Variants in ANKRD6 observed in about 807,000 individuals in gnomAD.
ANKRD6 encodes ankyrin repeat domain-containing protein 6.
Under a neutral mutation model 82.3 loss-of-function variants are expected in ANKRD6, and 56 were observed. The observed-to-expected ratio is 0.68, with a 90% confidence interval of 0.55 to 0.85. ANKRD6 has a LOEUF of 0.85. ANKRD6 is among the 40% of genes least tolerant of loss of function. ANKRD6 has a pLI of 0.00. For synonymous variants in ANKRD6, 347 were observed against 352.1 expected (o/e 0.99, Z 0.16); for missense variants, 852 against 907.6 (o/e 0.94, Z 0.79).
intron 1 of ANKRD6, chr6:89,562,982 TCCTGGGTG>T (rs1196458195): frequency 1.3e-5 from 2 of 152,178 alleles, no homozygotes; most frequent in Non-Finnish European, 2.9e-5. Context: ...AGCCACCAGT[TCCTGGGTG>T]CCTGTGGGCC....
intron 1 of ANKRD6, chr6:89,478,368 A>G (rs1776334909): frequency 6.6e-6 from 1 of 152,230 alleles, no homozygotes; most frequent in East Asian, 1.9e-4. Context: ...GCTGATCAGT[A>G]GTGGGATAGC....
At chr6:89,572,757 C>T (rs770729291) in intron 2 of ANKRD6, among the ~76,000 whole-genome samples, 5 of 152,224 alleles carry the variant, frequency 3.3e-5, no homozygotes, top group Admixed American at 1.3e-4. Flanking sequence ...TTCCCAGGAC[C>T]ATTTGTTGAG....
chr6:89,549,692 G>C (rs1398581463), intron 1 of ANKRD6, among the ~76,000 whole-genome samples: 1 of 152,044 alleles, frequency 6.6e-6, no homozygotes, highest in Non-Finnish European at 1.5e-5. Context: ...ACTTTTTGAA[G>C]TCATAGACTG....
At chr6:89,543,893 C>T (rs1195272460) in intron 1 of ANKRD6, among the ~76,000 whole-genome samples, 1 of 152,180 alleles carries the variant, frequency 6.6e-6, no homozygotes, top group East Asian at 1.9e-4. Flanking sequence ...CATTTACATC[C>T]ATCCTTGCCT....
Position 89,608,449 on chromosome 6 carries a change from T to G in ANKRD6, c.417+2344T>G, listed in dbSNP as rs186207759. Among the ~76,000 whole-genome samples, 4 of 150,950 alleles carry G rather than the reference T, an allele frequency of 2.6e-5. No homozygotes were observed. The East Asian group carries it at 7.8e-4, about 29-fold the overall frequency. ...ATCTCTAGCTTATGACACACAGACA[T>G]CTGCATACAAGATCTTCAACAGCAA... On this transcript the variant is annotated intron_variant, in intron 5 of 15. Coordinates refer to ENST00000339746, the MANE Select transcript of ANKRD6 (RefSeq NM_001242809.2).
In ANKRD6 at chr6:89,480,974, C is replaced by T. The variant is rs555157353; in HGVS notation, c.-144+47599C>T. Among the ~76,000 whole-genome samples the T allele has an allele frequency of 3.6e-5, 5 of 140,698 alleles. No individual in the cohort carries two copies. The East Asian group carries it at 1.0e-3, about 28-fold the overall frequency. The allele number at this position is 140,698 out of a possible 152,430, so 92.3% of individuals were successfully genotyped here. ...AAAAAAATAGAAGAAGAAGAAGAAG[C>T]AAAGTTATATGTATTTTAAATATTA... On this transcript the variant is annotated intron_variant, in intron 1 of 15. Coordinates refer to ENST00000339746, the MANE Select transcript of ANKRD6 (RefSeq NM_001242809.2).
intron 1 of ANKRD6, among the ~76,000 whole-genome samples, chr6:89,458,486 G>T (rs1001230349): frequency 1.3e-5 from 2 of 152,312 alleles, no homozygotes; most frequent in East Asian, 3.9e-4. Flanking sequence ...GCAGCCTTCA[G>T]TCTGTGGCCA....
chr6:89,456,357 A>T (rs369439199), intron 1 of ANKRD6, among the ~76,000 whole-genome samples: 16 of 152,320 alleles, frequency 1.1e-4, no homozygotes, highest in East Asian at 9.7e-4. Context: ...ACTGGGTGAC[A>T]TAAACAATAG....
chr6:89,624,951 A>G (rs1172620126), intron 13 of ANKRD6, among the ~76,000 whole-genome samples: 2 of 152,230 alleles, frequency 1.3e-5, no homozygotes, highest in African/African-American at 4.8e-5. Flanking sequence ...AGGAAAATAA[A>G]TCACCTATAA....
rs1563097323 is a variant in ANKRD6 at position 89,618,004 on chromosome 6, T to G, written c.765T>G (p.Val255=). 6.2e-7 allele frequency: 1 copy of G among 1,614,072 alleles called. No homozygotes were observed. Among genetic ancestry groups the G allele is most frequent in the Middle Eastern group, 1.6e-4 (1 of 6,062 alleles). Reference sequence around the variant, plus strand: ...CCCGCTACCACAATAACCCGGAAGTTGCTCTTCTCCTTACTAAAGCTCCCC... The same window carrying G: ...CCCGCTACCACAATAACCCGGAAGTGGCTCTTCTCCTTACTAAAGCTCCCC... ...ETARYHNNPE[V]ALLLTKAPQV... Residue 255 remains valine, a synonymous_variant, in exon 9 of 16, where the codon GTT becomes GTG. Transcript: ENST00000339746.
At chr6:89,588,930 C>A (rs1583518497) in intron 2 of ANKRD6, among the ~76,000 whole-genome samples, 2 of 141,292 alleles carry the variant, frequency 1.4e-5, no homozygotes, top group South Asian at 2.3e-4. Context: ...GAGGCAGAGG[C>A]TGCAGTGAGC....
intron 1 of ANKRD6, among the ~76,000 whole-genome samples, chr6:89,481,082 A>G (rs889881555): frequency 5.3e-5 from 8 of 152,168 alleles, no homozygotes; most frequent in Non-Finnish European, 1.2e-4. Flanking sequence ...AGTTTAGGAC[A>G]TATTTCTCTA....
At chr6:89,492,593 T>C (rs1778142796) in intron 1 of ANKRD6, among the ~76,000 whole-genome samples, 2 of 152,230 alleles carry the variant, frequency 1.3e-5, no homozygotes, top group African/African-American at 2.4e-5. Context: ...CCTGCACTTC[T>C]CACTGCTTTT....
intron 1 of ANKRD6, among the ~76,000 whole-genome samples, chr6:89,505,571 G>A (rs984658817): frequency 3.9e-5 from 6 of 152,308 alleles, no homozygotes; most frequent in African/African-American, 9.6e-5. Context: ...AAGCCTGAAC[G>A]GAGAAGGGTC....
At chr6:89,507,350 G>A (rs1172642698) in intron 1 of ANKRD6, among the ~76,000 whole-genome samples, 1 of 152,144 alleles carries the variant, frequency 6.6e-6, no homozygotes, top group African/African-American at 2.4e-5. Flanking sequence ...ATGCAGGAGT[G>A]GATGTTAAGT....
intron 1 of ANKRD6, among the ~76,000 whole-genome samples, chr6:89,480,644 A>G (rs1431554943): frequency 6.7e-6 from 1 of 148,314 alleles, no homozygotes; most frequent in Non-Finnish European, 1.5e-5. Flanking sequence ...TAAAAATCAG[A>G]AAAAAAAAAT....
intron 2 of ANKRD6, among the ~76,000 whole-genome samples, chr6:89,568,932 A>T (rs938539859): frequency 1.4e-5 from 2 of 141,988 alleles, no homozygotes; most frequent in African/African-American, 5.2e-5. Flanking sequence ...TATATATATA[A>T]TTTTTTTTTT....
chr6:89,465,313 G>T (rs1421831470), intron 1 of ANKRD6, among the ~76,000 whole-genome samples: 1 of 151,814 alleles, frequency 6.6e-6, no homozygotes, highest in East Asian at 1.9e-4. Context: ...TAGAGATGGG[G>T]TTTCACCATG....
In ANKRD6 at chr6:89,433,769, G is replaced by A. The variant is rs1393840525; in HGVS notation, c.-144+394G>A. ...CGGCGCGTAGGAGGGTAGGTCCCTG[G>A]CCTGCGGCCGCCTCCGAATGACCCC... is the stretch of plus-strand genomic sequence containing the variant. On this transcript the variant is annotated intron_variant, in intron 1 of 15. Transcript: ENST00000339746. This position sits in a 1 kb window ranked among gnomAD's most constrained non-coding sequence, Gnocchi z 4.3. Among the ~76,000 whole-genome samples the A allele has an allele frequency of 1.3e-5, 2 of 152,204 alleles. No homozygotes were observed. Among genetic ancestry groups the A allele is most frequent in the African/African-American group, 4.8e-5 (2 of 41,460 alleles).
Sources: gnomAD v4.1 joint callset for allele counts (sites outside exome capture counted in the v4.1 genomes callset) on GRCh38, gnomAD v4.1.1 for gene constraint, Gnocchi (gnomAD v3.1) non-coding constraint, MANE v1.5 for transcripts, NCBI Gene and HGNC (gene_info 2026-07-23, HGNC 2026-07-21) for gene names.